Variants in SLC24A3 observed in about 807,000 individuals in gnomAD.
The protein encoded by SLC24A3 is solute carrier family 24 member 3, also known as sodium/potassium/calcium exchanger 3.
Under a neutral mutation model 75.8 loss-of-function variants are expected in SLC24A3, and 28 were observed. The observed-to-expected ratio is 0.37, with a 90% CI of 0.27 to 0.51. The LOEUF is 0.51. SLC24A3 is among the 20% of genes least tolerant of loss of function. The pLI is 0.94. For synonymous variants in SLC24A3, 372 were observed against 334.1 expected (o/e 1.11, Z -1.24); for missense variants, 663 against 847.8 (o/e 0.78, Z 2.71).
chr20:19,677,554 C>G (rs900150787), intron 9 of SLC24A3, among the ~76,000 whole-genome samples: 1 of 152,072 alleles, frequency 6.6e-6, no homozygotes, highest in Non-Finnish European at 1.5e-5. Context: ...CCCATCCACA[C>G]CCTATTCACT....
chr20:19,604,162 A>G (rs1200348195), intron 6 of SLC24A3, among the ~76,000 whole-genome samples: 1 of 152,190 alleles, frequency 6.6e-6, no homozygotes, highest in African/African-American at 2.4e-5. Context: ...GATCAATAAG[A>G]AAAAATAAAC....
intron 3 of SLC24A3, among the ~76,000 whole-genome samples, chr20:19,523,294 A>G (rs1568643764): frequency 6.6e-6 from 1 of 152,244 alleles, no homozygotes; most frequent in Non-Finnish European, 1.5e-5. Context: ...ACTCACTTGC[A>G]GGGCAGACGT....
At chr20:19,236,109 A>G (rs569707101) in intron 1 of SLC24A3, among the ~76,000 whole-genome samples, 1 of 152,352 alleles carries the variant, frequency 6.6e-6, no homozygotes, top group East Asian at 1.9e-4. Flanking sequence ...ATTTGATATA[A>G]TTCAACCAAC....
intron 6 of SLC24A3, among the ~76,000 whole-genome samples, chr20:19,639,777 C>A (rs1231963313): frequency 1.3e-5 from 2 of 152,244 alleles, no homozygotes; most frequent in South Asian, 2.1e-4. Flanking sequence ...CCCTGCCCCG[C>A]GGGAAGGCAG....
intron 3 of SLC24A3, among the ~76,000 whole-genome samples, chr20:19,546,663 C>A (rs1444338387): frequency 6.6e-6 from 1 of 152,180 alleles, no homozygotes; most frequent in Non-Finnish European, 1.5e-5. Context: ...AAGGTCCTTT[C>A]CAATTTGGAG....
chr20:19,259,117 T>C (rs1982906399), intron 1 of SLC24A3, among the ~76,000 whole-genome samples: 1 of 152,214 alleles, frequency 6.6e-6, no homozygotes, highest in Admixed American at 6.5e-5. Context: ...TTCATGGATC[T>C]CCCAGGAGGA....
chr20:19,475,338 CAAG>C (rs1987945349), intron 2 of SLC24A3, among the ~76,000 whole-genome samples: 1 of 142,376 alleles, frequency 7.0e-6, no homozygotes. Context: ...GACTCTGTCT[CAAG>C]AAAAAAAAAA....
At chr20:19,477,676 G>A (rs1289520650) in intron 2 of SLC24A3, among the ~76,000 whole-genome samples, 1 of 152,076 alleles carries the variant, frequency 6.6e-6, no homozygotes, top group African/African-American at 2.4e-5. Context: ...TGGCATGAGG[G>A]TGCCATGTGC....
intron 3 of SLC24A3, among the ~76,000 whole-genome samples, chr20:19,554,200 A>C (rs891841025): frequency 3.0e-4 from 46 of 152,342 alleles, no homozygotes; most frequent in African/African-American, 1.1e-3. Flanking sequence ...GAGGAGAAAG[A>C]AAGTAAAATG....
intron 3 of SLC24A3, among the ~76,000 whole-genome samples, chr20:19,569,460 C>G (rs2031014746): frequency 6.6e-6 from 1 of 152,090 alleles, no homozygotes; most frequent in Admixed American, 6.6e-5. Flanking sequence ...CTCCCATTTC[C>G]TTTCCATCCT....
At chr20:19,491,977 G>C (rs1335719651) in intron 2 of SLC24A3, among the ~76,000 whole-genome samples, 1 of 118,686 alleles carries the variant, frequency 8.4e-6, no homozygotes, top group East Asian at 2.8e-4. Flanking sequence ...GTGCTCAAGG[G>C]CCCCCCCTTC....
intron 2 of SLC24A3, among the ~76,000 whole-genome samples, chr20:19,339,997 G>T (rs1399084291): frequency 6.6e-6 from 1 of 152,190 alleles, no homozygotes; most frequent in Non-Finnish European, 1.5e-5. Context: ...TTCTGTCTCT[G>T]GGACTTGGGG....
chr20:19,624,229 C>T (rs2031840541), intron 6 of SLC24A3, among the ~76,000 whole-genome samples: 1 of 152,160 alleles, frequency 6.6e-6, no homozygotes, highest in Non-Finnish European at 1.5e-5. Context: ...TTTGATCTTG[C>T]CTTGGCCTCT....
At position 19,577,732 on chromosome 20, in the gene SLC24A3, T is replaced by G. The variant is rs368377353; in HGVS notation, c.349-2268T>G. Among the ~76,000 whole-genome samples, 10 of 152,382 alleles carry G rather than the reference T, an allele frequency of 6.6e-5. 2 individuals carry two copies. ...TTAATAAAAAAAGACATTGTAATGC[T>G]GTTTTTCATTTAGCAATGTATTATG... On this transcript the variant is annotated intron_variant, in intron 3 of 16. Coordinates refer to ENST00000328041, the MANE Select transcript of SLC24A3 (RefSeq NM_020689.4).
At chr20:19,379,144 C>T (rs536442063) in intron 2 of SLC24A3, among the ~76,000 whole-genome samples, 9 of 152,210 alleles carry the variant, frequency 5.9e-5, no homozygotes, top group East Asian at 3.9e-4. Context: ...ATGTGCTCTA[C>T]GGAATGTGAT....
At chr20:19,278,980 C>T (rs571933545) in intron 1 of SLC24A3, among the ~76,000 whole-genome samples, 2 of 152,358 alleles carry the variant, frequency 1.3e-5, no homozygotes, top group East Asian at 3.9e-4. Flanking sequence ...ACTTTCTCCA[C>T]CTAAAAAGTG....
chr20:19,457,419 C>T lies in SLC24A3; in HGVS notation c.272-58069C>T, dbSNP rs1238732190. On this transcript the variant is annotated intron_variant, in intron 2 of 16. Coordinates refer to ENST00000328041, the MANE Select transcript of SLC24A3 (RefSeq NM_020689.4). ...GACTAAAACAAAAATTATTTATAGT[C>T]TACTTACTTTTCACTCAAGATGAAA... 6.6e-5 allele frequency among the ~76,000 whole-genome samples: 10 copies of T among 152,304 alleles called. No homozygotes were observed. In the South Asian group the frequency reaches 1.9e-3, roughly 28 times the overall value.
At chr20:19,613,950 C>T (rs1270116461) in intron 6 of SLC24A3, among the ~76,000 whole-genome samples, 1 of 152,178 alleles carries the variant, frequency 6.6e-6, no homozygotes, top group African/African-American at 2.4e-5. Context: ...CCGCTTACAC[C>T]ACCCTTGTTT....
At chr20:19,302,452 A>T (rs1271151567) in intron 2 of SLC24A3, among the ~76,000 whole-genome samples, 1 of 152,246 alleles carries the variant, frequency 6.6e-6, no homozygotes, top group Non-Finnish European at 1.5e-5. Flanking sequence ...TACAAACTCC[A>T]GTGTATTTAT....
Sources: gnomAD v4.1 joint callset for allele counts (sites outside exome capture counted in the v4.1 genomes callset) on GRCh38, gnomAD v4.1.1 for gene constraint, MANE v1.5 for transcripts, NCBI Gene and HGNC (gene_info 2026-07-23, HGNC 2026-07-21) for gene names.